COL23A1: variants seen among roughly 807,000 people sequenced by gnomAD.
COL23A1 encodes collagen type XXIII alpha 1 chain.
Under a neutral mutation model 99.3 loss-of-function variants are expected in COL23A1, and 97 were observed. The ratio of observed to expected loss-of-function variants is 0.98; its 90% confidence interval spans 0.83 to 1.16. COL23A1 has a LOEUF of 1.16. Ranked by LOEUF, COL23A1 falls within the 50% of genes most tolerant of loss-of-function variation. The pLI is 0.00. For synonymous variants in COL23A1, 320 were observed against 308.2 expected (o/e 1.04, Z -0.40); for missense variants, 762 against 757.4 (o/e 1.01, Z -0.07).
At chr5:178,305,503 C>T (rs761429638) in intron 3 of COL23A1, among the ~76,000 whole-genome samples, 36 of 152,168 alleles carry the variant, frequency 2.4e-4, no homozygotes, top group Non-Finnish European at 4.7e-4. Context: ...TTCATTCGTT[C>T]GCTGTTCTGT....
intron 2 of COL23A1, among the ~76,000 whole-genome samples, chr5:178,552,506 T>C (rs1433946503): frequency 2.0e-5 from 3 of 151,974 alleles, no homozygotes; most frequent in Non-Finnish European, 2.9e-5. Context: ...TGCTTATAAA[T>C]ATATACGTGT....
At chr5:178,494,727 G>C (rs1162857672) in intron 2 of COL23A1, among the ~76,000 whole-genome samples, 1 of 152,156 alleles carries the variant, frequency 6.6e-6, no homozygotes, top group African/African-American at 2.4e-5. Context: ...AGAAGGCTCT[G>C]CTCCCCGGTA....
rs546114084 is a variant in COL23A1 at position 178,470,402 on chromosome 5, G to A, written c.361+90280C>T. ...TGGAAACCCACCGCCAATTAGAACTGTTCCTCACTGGAAAGACTGCCTAGA... is the reference window on the plus strand; with the variant it reads ...TGGAAACCCACCGCCAATTAGAACTATTCCTCACTGGAAAGACTGCCTAGA... On this transcript the variant is annotated intron_variant, in intron 2 of 28. Transcript: ENST00000390654. Among the ~76,000 whole-genome samples, 14 of 152,296 alleles carry A rather than the reference G, an allele frequency of 9.2e-5. 1 individual carries two copies. In the South Asian group the frequency reaches 2.9e-3, roughly 32 times the overall value.
intron 2 of COL23A1, among the ~76,000 whole-genome samples, chr5:178,503,042 A>G (rs1377172740): frequency 6.6e-6 from 1 of 152,230 alleles, no homozygotes; most frequent in Admixed American, 6.5e-5. Flanking sequence ...TGAGCTTTCT[A>G]TTTTATAAAA....
chr5:178,493,892 G>C (rs984673201), intron 2 of COL23A1, among the ~76,000 whole-genome samples: 91 of 152,312 alleles, frequency 6.0e-4, no homozygotes, highest in African/African-American at 2.0e-3. Flanking sequence ...ATGCAATCGT[G>C]ACAGGCCACA....
chr5:178,481,442 A>G (rs1757333722), intron 2 of COL23A1, among the ~76,000 whole-genome samples: 1 of 152,196 alleles, frequency 6.6e-6, no homozygotes, highest in Admixed American at 6.5e-5. Flanking sequence ...AAGACAACCC[A>G]GAGAATTTGC....
intron 2 of COL23A1, among the ~76,000 whole-genome samples, chr5:178,480,311 G>A (rs532794682): frequency 1.2e-4 from 18 of 152,208 alleles, no homozygotes; most frequent in African/African-American, 3.4e-4. Flanking sequence ...TTCCAGACCC[G>A]GACTCTGGAG....
chr5:178,258,239 ATATATAT>A (rs1561797705), intron 12 of COL23A1, among the ~76,000 whole-genome samples: 2,832 of 97,398 alleles, frequency 0.029, 173 homozygotes, highest in African/African-American at 0.086. Context: ...GTCTTAAAAT[ATATATAT>A]ATATATATAT....
intron 2 of COL23A1, among the ~76,000 whole-genome samples, chr5:178,540,777 G>A (rs1033315059): frequency 5.3e-5 from 8 of 152,174 alleles, no homozygotes; most frequent in South Asian, 2.1e-4. Context: ...CTCTGCAAAA[G>A]GAAGCCAGGT....
rs1302090225 is a variant in COL23A1 at position 178,410,885 on chromosome 5, T to C, written c.362-103966A>G. 2.6e-5 allele frequency among the ~76,000 whole-genome samples: 4 copies of C among 152,180 alleles called. No individual in the cohort carries two copies. The South Asian group carries it at 8.3e-4, about 32-fold the overall frequency. On this transcript the variant is annotated intron_variant, in intron 2 of 28. Coordinates refer to ENST00000390654, the MANE Select transcript of COL23A1 (RefSeq NM_173465.4). ...CAAATCATATATCTGACAATACTAA[T>C]AGTAATTCAGAACATATCTAGAATA... is the stretch of plus-strand genomic sequence containing the variant.
At chr5:178,501,104 T>C (rs537303071) in intron 2 of COL23A1, among the ~76,000 whole-genome samples, 3 of 152,290 alleles carry the variant, frequency 2.0e-5, no homozygotes, top group Admixed American at 6.5e-5. Flanking sequence ...GCATTATCTA[T>C]AAAATATGCA....
Position 178,586,081 on chromosome 5 carries a change from T to C in COL23A1, c.294+3823A>G, listed in dbSNP as rs1452000730. 2.0e-5 allele frequency among the ~76,000 whole-genome samples: 3 copies of C among 152,314 alleles called. No homozygotes were observed. In the East Asian group the frequency reaches 5.8e-4, roughly 29 times the overall value. On this transcript the variant is annotated intron_variant, in intron 1 of 28. Transcript: ENST00000390654. ...TAGGTTCACAGCTGCAGCAGCCACC[T>C]TGTGACCATGAGGAAAGGACAAGAG...
At chr5:178,352,547 A>C (rs996350458) in intron 2 of COL23A1, among the ~76,000 whole-genome samples, 1 of 152,218 alleles carries the variant, frequency 6.6e-6, no homozygotes, top group Non-Finnish European at 1.5e-5. Context: ...TAAAATATAG[A>C]AGCACAGCTC....
At chr5:178,432,272 T>C (rs1385074390) in intron 2 of COL23A1, among the ~76,000 whole-genome samples, 2 of 152,108 alleles carry the variant, frequency 1.3e-5, no homozygotes, top group African/African-American at 2.4e-5. Context: ...TCCAAGGAAT[T>C]ACAACAGAGG....
chr5:178,271,159 C>T (rs1364592272), intron 5 of COL23A1, among the ~76,000 whole-genome samples: 2 of 152,172 alleles, frequency 1.3e-5, no homozygotes, highest in African/African-American at 4.8e-5. Flanking sequence ...CCCCTGTCCA[C>T]CTACCACTCA....
chr5:178,352,498 C>G (rs965050290), intron 2 of COL23A1, among the ~76,000 whole-genome samples: 17 of 152,294 alleles, frequency 1.1e-4, no homozygotes, highest in Non-Finnish European at 2.1e-4. Flanking sequence ...TCATAAGGAG[C>G]AACAGTTCAT....
chr5:178,399,874 C>T (rs1367777992), intron 2 of COL23A1, among the ~76,000 whole-genome samples: 1 of 152,156 alleles, frequency 6.6e-6, no homozygotes, highest in Non-Finnish European at 1.5e-5. Context: ...TAACGACGGC[C>T]GCATGGTTCT....
At chr5:178,291,065 G>A (rs944870674) in intron 3 of COL23A1, among the ~76,000 whole-genome samples, 3 of 152,242 alleles carry the variant, frequency 2.0e-5, no homozygotes, top group Non-Finnish European at 4.4e-5. Flanking sequence ...GAGGCTCACA[G>A]AGCAGCGACT....
chr5:178,402,438 G>A lies in COL23A1; in HGVS notation c.362-95519C>T, dbSNP rs189666343. ...AGGAAGCAGGAATGGGATGAGGAGA[G>A]GTTGATTAATGGGCACAAAGAGACA... On this transcript the variant is annotated intron_variant, in intron 2 of 28. Transcript: ENST00000390654. 8.5e-5 allele frequency among the ~76,000 whole-genome samples: 13 copies of A among 152,202 alleles called. No homozygotes were observed. In the East Asian group the frequency reaches 2.5e-3, roughly 29 times the overall value.
Sources: allele counts gnomAD v4.1 joint callset (sites outside exome capture counted in the v4.1 genomes callset), GRCh38; gene constraint gnomAD v4.1.1; transcripts MANE v1.5; gene names NCBI Gene and HGNC (gene_info 2026-07-23, HGNC 2026-07-21).